Variants in MAPK10 observed in about 807,000 individuals in gnomAD.
MAPK10 encodes the protein mitogen-activated protein kinase 10, also known as JNK3 alpha protein kinase.
A neutral mutation model predicts 59.3 loss-of-function variants in MAPK10; 25 were observed. That is an observed-to-expected ratio of 0.42 (90% CI 0.31 to 0.59). The LOEUF (loss-of-function observed/expected upper bound fraction) is 0.59, where lower values mean the gene tolerates loss of function less well. Among genes scored for constraint, MAPK10 ranks in the 20% least tolerant of loss-of-function variants. The probability of loss-of-function intolerance (pLI) is 0.15; values close to 1 mark genes in which losing one functional copy is unlikely to be tolerated. For synonymous variants in MAPK10, 190 were observed against 200.5 expected, an observed-to-expected ratio of 0.95 and a Z score of 0.44; for missense variants, 351 against 568.9, an observed-to-expected ratio of 0.62 and a Z score of 3.90.
chr4:86,516,944 C>T (rs1756715086), intron 1 of MAPK10, among the ~76,000 whole-genome samples: 1 of 152,154 alleles, frequency 6.6e-6, no homozygotes, highest in Non-Finnish European at 1.5e-5. Flanking sequence ...ACTTCCAGTA[C>T]TATGCTAAAT....
intron 1 of MAPK10, among the ~76,000 whole-genome samples, chr4:86,473,067 G>A (rs1454441444): frequency 6.6e-6 from 1 of 152,182 alleles, no homozygotes; most frequent in Non-Finnish European, 1.5e-5. Context: ...ACTCTCCACT[G>A]TTAACAGGGG....
intron 1 of MAPK10, among the ~76,000 whole-genome samples, chr4:86,479,858 A>G (rs570680994): frequency 6.6e-6 from 1 of 151,964 alleles, no homozygotes; most frequent in Non-Finnish European, 1.5e-5. Flanking sequence ...TCTTCTAACA[A>G]CCCCACAATA....
At chr4:86,551,164 A>AT in intron 1 of MAPK10, among the ~76,000 whole-genome samples, 1 of 152,352 alleles carries the variant, frequency 6.6e-6, no homozygotes, top group East Asian at 1.9e-4. Context: ...AAGGATGGGT[A>AT]GTTAACCAAA....
At chr4:86,572,854 A>G (rs995288955) in intron 1 of MAPK10, among the ~76,000 whole-genome samples, 3 of 152,220 alleles carry the variant, frequency 2.0e-5, no homozygotes, top group African/African-American at 7.2e-5. Flanking sequence ...TAGTAGGTAT[A>G]TAATGATATT....
intron 1 of MAPK10, among the ~76,000 whole-genome samples, chr4:86,560,832 G>A (rs1300603783): frequency 6.6e-6 from 1 of 152,218 alleles, no homozygotes; most frequent in African/African-American, 2.4e-5. Context: ...ATTCTTTCCT[G>A]TGCAGTCCTA....
At chr4:86,129,055 T>G (rs1179334304) in intron 4 of MAPK10, among the ~76,000 whole-genome samples, 1 of 152,136 alleles carries the variant, frequency 6.6e-6, no homozygotes, top group Non-Finnish European at 1.5e-5. Flanking sequence ...AAATAATATT[T>G]ATTTAGATAA....
At chr4:86,383,405 T>C (rs1477052963) in intron 1 of MAPK10, among the ~76,000 whole-genome samples, 1 of 152,228 alleles carries the variant, frequency 6.6e-6, no homozygotes, top group African/African-American at 2.4e-5. Flanking sequence ...TTCTACTCAT[T>C]TACCCTTTGA....
chr4:86,032,470 A>G (rs894363817), intron 11 of MAPK10: 1 of 152,236 alleles, frequency 6.6e-6, no homozygotes, highest in Non-Finnish European at 1.5e-5. Context: ...ACCCCGTCCA[A>G]TACTCCAAAA....
chr4:86,304,840 T>C lies in MAPK10; in HGVS notation c.-7+49690A>G, dbSNP rs540082695. 5.9e-5 allele frequency among the ~76,000 whole-genome samples: 9 copies of C among 152,322 alleles called. No individual in the cohort carries two copies. The East Asian group carries it at 1.7e-3, about 29-fold the overall frequency. ...CATGATGTACTTAACATGTTGCTAT[T>C]CTTTTTTCAAATATAAGTTACACAC... On this transcript the variant is annotated intron_variant, in intron 2 of 13. Coordinates refer to ENST00000641462, the MANE Select transcript of MAPK10 (RefSeq NM_138982.4).
chr4:86,249,324 G>GATTC (rs2093295940), intron 2 of MAPK10, among the ~76,000 whole-genome samples: 1 of 152,164 alleles, frequency 6.6e-6, no homozygotes. Flanking sequence ...CAGTGTCTAT[G>GATTC]ATTCTCCTGT....
chr4:86,216,564 G>A (rs1006219047), intron 2 of MAPK10, among the ~76,000 whole-genome samples: 7 of 151,542 alleles, frequency 4.6e-5, no homozygotes, highest in African/African-American at 1.7e-4. Flanking sequence ...TACTAAAGAA[G>A]TAATCAAATA....
intron 11 of MAPK10, chr4:86,044,681 CT>C: frequency 2.5e-6 from 1 of 397,284 alleles, no homozygotes; most frequent in African/African-American, 2.1e-5. Flanking sequence ...AGATTTGTGT[CT>C]CATAATCAAA....
In MAPK10 at chr4:86,315,122, T is replaced by C. The variant is rs1044989232; in HGVS notation, c.-7+39408A>G. On this transcript the variant is annotated intron_variant, in intron 2 of 13. Transcript: ENST00000641462. The stretch of plus-strand genomic sequence containing the variant: ...GAGAGGATGGAACTGGAGGTCATTA[T>C]GTTATGTGAAATAAGGCACAGAAAG... Among the ~76,000 whole-genome samples, 18 of 152,260 alleles carry C rather than the reference T, an allele frequency of 1.2e-4. No individual in the cohort carries two copies. The East Asian group carries it at 1.9e-3, about 16-fold the overall frequency.
intron 13 of MAPK10, chr4:86,027,271 C>A (rs1750806489): frequency 6.6e-6 from 1 of 152,100 alleles, no homozygotes. Flanking sequence ...ATATGTATTA[C>A]ATAGATAATT....
intron 1 of MAPK10, among the ~76,000 whole-genome samples, chr4:86,529,160 T>A (rs969395835): frequency 1.3e-5 from 2 of 152,236 alleles, no homozygotes; most frequent in African/African-American, 4.8e-5. Flanking sequence ...TAGTTTAGCC[T>A]ATTGTCTCCG....
At chr4:86,070,959 A>G (rs2047802983) in intron 9 of MAPK10, among the ~76,000 whole-genome samples, 1 of 152,074 alleles carries the variant, frequency 6.6e-6, no homozygotes, top group Non-Finnish European at 1.5e-5. Context: ...TCCCTGAGGA[A>G]TCGCCACACT....
At chr4:86,500,161 A>T (rs540250878) in intron 1 of MAPK10, among the ~76,000 whole-genome samples, 20 of 152,300 alleles carry the variant, frequency 1.3e-4, no homozygotes, top group Admixed American at 4.6e-4. Context: ...ACTTCATTTT[A>T]GGATATAGAA....
At chr4:86,075,653 G>A (rs577424900) in intron 9 of MAPK10, among the ~76,000 whole-genome samples, 34 of 152,006 alleles carry the variant, frequency 2.2e-4, no homozygotes, top group Non-Finnish European at 4.0e-4. Context: ...ATACCCTGCT[G>A]TGTGAGGTGG....
At chr4:86,125,146 A>G (rs537359896) in intron 4 of MAPK10, 261 of 152,038 alleles carry the variant, frequency 1.7e-3, no homozygotes, top group African/African-American at 5.8e-3. Context: ...TTTTCAAATA[A>G]AAATATTGTT....
Sources: gnomAD v4.1 joint callset for allele counts (sites outside exome capture counted in the v4.1 genomes callset) on GRCh38, gnomAD v4.1.1 for gene constraint, MANE v1.5 for transcripts, NCBI Gene and HGNC (gene_info 2026-07-23, HGNC 2026-07-21) for gene names.